The following PJA2 variants were observed in gnomAD, a reference collection of about 807,000 sequenced individuals.
PJA2 encodes E3 ubiquitin-protein ligase Praja-2.
Under a neutral mutation model 69.3 loss-of-function variants are expected in PJA2, and 25 were observed. That is an observed-to-expected ratio of 0.36 (90% CI 0.26 to 0.50). PJA2 has a LOEUF of 0.50. PJA2 is among the 20% of genes least tolerant of loss of function. The probability of loss-of-function intolerance (pLI) is 0.96; values close to 1 mark genes in which losing one functional copy is unlikely to be tolerated. For missense variants in PJA2, 809 were observed against 830.2 expected (o/e 0.97, Z 0.31); for synonymous variants, 308 against 277.8 (o/e 1.11, Z -1.08).
In PJA2 at chr5:109,383,503, A is replaced by G; in HGVS notation, c.-70T>C. ...GATTTAGTTTTTATTCACACTATGG[A>G]CAAGCCGCAGAAGATTCCTACAAAG... On this transcript the variant is annotated 5_prime_UTR_variant, in exon 2 of 10. Coordinates refer to ENST00000361189, the MANE Select transcript of PJA2 (RefSeq NM_014819.5). 1 of 1,285,698 alleles carries G rather than the reference A, an allele frequency of 7.8e-7. No homozygotes were observed. The highest frequency in any genetic ancestry group is 1.9e-5 in the Admixed American group (1 of 52,134). 79.6% of individuals were successfully genotyped at this position (1,285,698 alleles called of 1,614,324 possible). A position where few individuals can be genotyped will look rare whatever the true frequency, so the allele number is the denominator to read the frequency against.
chr5:109,362,427 A>T (rs1328172811), intron 6 of PJA2, among the ~76,000 whole-genome samples: 1 of 152,228 alleles, frequency 6.6e-6, no homozygotes, highest in Non-Finnish European at 1.5e-5. Context: ...GAGAAGGAAA[A>T]GGAAGAATAG....
chr5:109,390,467 T>TATAAATAGTA (rs1747257713), intron 1 of PJA2, among the ~76,000 whole-genome samples: 1 of 152,028 alleles, frequency 6.6e-6, no homozygotes, highest in Non-Finnish European at 1.5e-5. Flanking sequence ...TGCCTTTACT[T>TATAAATAGTA]GTAAAGTGCT....
intron 1 of PJA2, among the ~76,000 whole-genome samples, chr5:109,386,612 G>T (rs867218659): frequency 1.3e-5 from 2 of 152,014 alleles, no homozygotes; most frequent in Non-Finnish European, 1.5e-5. Flanking sequence ...ACCCGCTCAG[G>T]TTAAGTACCC....
intron 7 of PJA2, among the ~76,000 whole-genome samples, chr5:109,351,836 T>C (rs1276735879): frequency 6.6e-6 from 1 of 152,118 alleles, no homozygotes; most frequent in Non-Finnish European, 1.5e-5. Flanking sequence ...GTTTGTTTTG[T>C]TTTTGTTTCA....
At chr5:109,409,786 C>A in intron 1 of PJA2, 56 bp downstream of exon 1, 1 of 155,642 alleles carries the variant, frequency 6.4e-6, no homozygotes, top group Non-Finnish European at 1.4e-5. Flanking sequence ...GCCCCGACCC[C>A]CACACTCCCG....
chr5:109,409,944 G>T lies in PJA2; in HGVS notation c.-190C>A, dbSNP rs567030212. 511 of 208,794 alleles carry T rather than the reference G, an allele frequency of 2.4e-3. 1 individual carries two copies. Among genetic ancestry groups the T allele is most frequent in the Middle Eastern group, 6.2e-3 (3 of 486 alleles). The allele number at this position is 208,794 out of a possible 1,614,324, so 12.9% of individuals were successfully genotyped here. On this transcript the variant is annotated 5_prime_UTR_variant, in exon 1 of 10. Transcript: ENST00000361189. ...ACTCCTCCCCCGCCGAACGCGAAGC[G>T]GCTGGCGGCTGTGGCGGCGGCGGCG... is the stretch of plus-strand genomic sequence containing the variant.
chr5:109,343,916 C>T (rs766500691), intron 9 of PJA2, among the ~76,000 whole-genome samples: 4 of 151,574 alleles, frequency 2.6e-5, no homozygotes, highest in South Asian at 2.1e-4. Context: ...ACCAACATGG[C>T]GAAACTCTGT....
At chr5:109,385,943 T>G (rs932605501) in intron 1 of PJA2, among the ~76,000 whole-genome samples, 2 of 152,146 alleles carry the variant, frequency 1.3e-5, no homozygotes, top group African/African-American at 4.8e-5. Flanking sequence ...TTAATAATTG[T>G]GTGCATGAAA....
At chr5:109,342,054 G>T (rs1183395362) in intron 9 of PJA2, among the ~76,000 whole-genome samples, 749 of 89,598 alleles carry the variant, frequency 8.4e-3, no homozygotes, top group South Asian at 0.013. Flanking sequence ...GGAGGTGGGG[G>T]GGTCAGCCCT....
At chr5:109,369,893 G>A (rs62375641) in intron 4 of PJA2, among the ~76,000 whole-genome samples, 3,758 of 152,102 alleles carry the variant, frequency 0.025, 62 homozygotes, top group Non-Finnish European at 0.036. Flanking sequence ...TTAGCTGGGC[G>A]TGGCGCTGCA....
chr5:109,342,939 C>G (rs1265940249), intron 9 of PJA2, among the ~76,000 whole-genome samples: 3 of 70,870 alleles, frequency 4.2e-5, no homozygotes, highest in African/African-American at 2.1e-4. Context: ...AGGGGCGCCT[C>G]TGCCCGGCCA....
chr5:109,382,599 G>C (rs1044779549), intron 2 of PJA2, among the ~76,000 whole-genome samples: 3 of 152,146 alleles, frequency 2.0e-5, no homozygotes, highest in Non-Finnish European at 4.4e-5. Context: ...TGTAATCCCG[G>C]TACTTTGGGA....
Position 109,379,203 on chromosome 5 carries a change from A to C in PJA2, c.284T>G (p.Phe95Cys). ...GGGAATTTCTGTTTCACTTTTTTCA[A>C]ATATAGGTTCACTGGGTAAAGAAGA... ...VDSSLPSEPIFEKSETEIPTC... is the reference protein window; with the variant it reads ...VDSSLPSEPICEKSETEIPTC... Residue 95 changes from phenylalanine (F) to cysteine (C), a missense_variant, in exon 4 of 10, where the codon TTT becomes TGT. This residue lies in a region of PJA2 where 700 missense variants were observed against 639.5 expected (regional missense o/e 1.09). Coordinates refer to ENST00000361189, the MANE Select transcript of PJA2 (RefSeq NM_014819.5). 6.2e-7 allele frequency: 1 copy of C among 1,613,974 alleles called. No homozygotes were observed. The highest frequency in any genetic ancestry group is 8.5e-7 in the Non-Finnish European group (1 of 1,179,950).
intron 1 of PJA2, among the ~76,000 whole-genome samples, chr5:109,392,894 C>G (rs989078382): frequency 6.6e-6 from 1 of 152,062 alleles, no homozygotes; most frequent in East Asian, 1.9e-4. Context: ...CAAGGCAAAA[C>G]AGTAAATCCA....
chr5:109,367,546 A>G (rs1417318232), intron 5 of PJA2, among the ~76,000 whole-genome samples: 1 of 145,066 alleles, frequency 6.9e-6, no homozygotes, highest in East Asian at 2.0e-4. Context: ...CTTTAAAGGA[A>G]TAAATAAGCT....
In PJA2 at chr5:109,368,048, T is replaced by G. The variant is rs142563459; in HGVS notation, c.1469+513A>C. ...GCCATAAATATTTATTATCTAGCCCTTCATGGTATGTTTGACAACCCTTAC... is the reference window on the plus strand; with the variant it reads ...GCCATAAATATTTATTATCTAGCCCGTCATGGTATGTTTGACAACCCTTAC... On this transcript the variant is annotated intron_variant, in intron 5 of 9. Coordinates refer to ENST00000361189, the MANE Select transcript of PJA2 (RefSeq NM_014819.5). Among the ~76,000 whole-genome samples the G allele has an allele frequency of 7.0e-3, 1,060 of 152,308 alleles. 12 individuals carry two copies. The highest frequency in any genetic ancestry group is 0.024 in the African/African-American group (1,002 of 41,566).
chr5:109,390,494 T>A (rs1030730364), intron 1 of PJA2: 1 of 152,052 alleles, frequency 6.6e-6, no homozygotes, highest in African/African-American at 2.4e-5. Context: ...ATAAATAGAA[T>A]ATAGGTAGGT....
rs115275389 is a variant in PJA2, at chr5:109,381,983, T to C, written c.32-280A>G. Among the ~76,000 whole-genome samples the C allele has an allele frequency of 6.9e-3, 1,057 of 152,200 alleles. 12 individuals carry two copies. The highest frequency in any genetic ancestry group is 0.024 in the African/African-American group (999 of 41,554). On this transcript the variant is annotated intron_variant, in intron 2 of 9. Transcript: ENST00000361189. ...TTTCAGATTTTTATAATGAAACCTATCAAAAAATATTTTTCATATGCCAAA... is the reference window on the plus strand; with the variant it reads ...TTTCAGATTTTTATAATGAAACCTACCAAAAAATATTTTTCATATGCCAAA...
intron 1 of PJA2, among the ~76,000 whole-genome samples, chr5:109,389,037 C>T (rs913340443): frequency 1.3e-5 from 2 of 152,178 alleles, no homozygotes; most frequent in African/African-American, 4.8e-5. Flanking sequence ...ATGTTGGTCA[C>T]AATACATTAA....
Sources: gnomAD v4.1 joint callset for allele counts (sites outside exome capture counted in the v4.1 genomes callset) on GRCh38, gnomAD v4.1.1 for gene constraint, gnomAD v4.1.1 regional missense constraint, MANE v1.5 for transcripts, NCBI Gene and HGNC (gene_info 2026-07-23, HGNC 2026-07-21) for gene names.